The following DNAI3 variants were observed in gnomAD, a reference collection of about 807,000 sequenced individuals.
DNAI3 encodes WD repeat domain 63.
In DNAI3, 83 loss-of-function variants were observed where a neutral mutation model predicts 115.5. That is an observed-to-expected ratio of 0.72 (90% CI 0.60 to 0.86). The LOEUF (loss-of-function observed/expected upper bound fraction) is 0.86, where lower values mean the gene tolerates loss of function less well. Among genes scored for constraint, DNAI3 ranks in the 40% least tolerant of loss-of-function variants. The probability of loss-of-function intolerance (pLI) is 0.00; values close to 1 mark genes in which losing one functional copy is unlikely to be tolerated. For missense variants in DNAI3, 1,004 were observed against 1,075.8 expected (o/e 0.93, Z 0.93); for synonymous variants, 320 against 347.0 (o/e 0.92, Z 0.86).
chr1:85,099,205 A>C (rs2100587231), intron 13 of DNAI3: 2 of 974,230 alleles, frequency 2.1e-6, no homozygotes, highest in East Asian at 1.1e-4. Flanking sequence ...GGGATCTATA[A>C]ATTTGGAAAC....
intron 17 of DNAI3, 123 bp from the exon 18 acceptor site, chr1:85,121,628 T>C: frequency 1.2e-6 from 1 of 846,674 alleles, no homozygotes; most frequent in South Asian, 1.7e-5. Flanking sequence ...ATCAAATTAC[T>C]TGATTAAATT....
intron 3 of DNAI3, among the ~76,000 whole-genome samples, chr1:85,079,260 TG>T (rs142418762): frequency 0.036 from 5,417 of 152,344 alleles, 362 homozygotes; most frequent in African/African-American, 0.12. Context: ...GTTAGTCTTT[TG>T]AGGGAGATAA....
At chr1:85,131,597 G>A (rs909381425) in intron 22 of DNAI3, among the ~76,000 whole-genome samples, 19 of 152,274 alleles carry the variant, frequency 1.2e-4, no homozygotes, top group African/African-American at 4.3e-4. Flanking sequence ...GTGACAAAGT[G>A]TAAAAGAATG....
intron 1 of DNAI3, among the ~76,000 whole-genome samples, chr1:85,069,017 A>C (rs553879848): frequency 1.3e-5 from 2 of 152,352 alleles, no homozygotes; most frequent in South Asian, 4.1e-4. Context: ...TCCACACCAC[A>C]GTGCATAGCA....
chr1:85,130,889 CCT>C (rs1176502599), intron 22 of DNAI3, among the ~76,000 whole-genome samples: 4 of 152,158 alleles, frequency 2.6e-5, no homozygotes, highest in African/African-American at 4.8e-5. Context: ...TCAGCTTCTC[CCT>C]GTTTGATACG....
chr1:85,080,907 G>C (rs572289028), intron 3 of DNAI3, among the ~76,000 whole-genome samples: 1 of 152,188 alleles, frequency 6.6e-6, no homozygotes, highest in African/African-American at 2.4e-5. Flanking sequence ...TAAAATACTT[G>C]TGACATAATG....
chr1:85,081,549 C>T (rs1338101339), intron 4 of DNAI3, 134 bp downstream of exon 4: 2 of 658,138 alleles, frequency 3.0e-6, no homozygotes, highest in African/African-American at 3.8e-5. Context: ...CCCACCCCTC[C>T]TTGGGAATCC....
At chr1:85,110,828 A>G (rs1439612605) in intron 16 of DNAI3, among the ~76,000 whole-genome samples, 3 of 152,212 alleles carry the variant, frequency 2.0e-5, no homozygotes, top group African/African-American at 7.2e-5. Context: ...ATCAAGAAAC[A>G]AATTACCATT....
At chr1:85,098,244 A>T (rs58659750) in intron 12 of DNAI3, among the ~76,000 whole-genome samples, 1 of 152,186 alleles carries the variant, frequency 6.6e-6, no homozygotes, top group Non-Finnish European at 1.5e-5. Flanking sequence ...GCAGCCTTCT[A>T]TAGGCACAAA....
chr1:85,088,716 A>T (rs1341723967), intron 7 of DNAI3, among the ~76,000 whole-genome samples: 2 of 152,228 alleles, frequency 1.3e-5, no homozygotes, highest in African/African-American at 4.8e-5. Context: ...GCATAATTTA[A>T]ACTTGAAGCA....
At chr1:85,124,430 CATTT>C (rs141412863) in intron 19 of DNAI3, among the ~76,000 whole-genome samples, 179 bp downstream of exon 19, 6,680 of 152,222 alleles carry the variant, frequency 0.044, 332 homozygotes, top group East Asian at 0.2. Flanking sequence ...AAAACACATT[CATTT>C]GTTTTTCCTT....
chr1:85,087,920 C>CAT (rs1261814568), intron 7 of DNAI3, among the ~76,000 whole-genome samples: 3 of 151,610 alleles, frequency 2.0e-5, no homozygotes, highest in Middle Eastern at 3.2e-3. Flanking sequence ...AAAGTCAGGG[C>CAT]ATATATATAT....
At chr1:85,073,800 T>C (rs1250397721) in intron 3 of DNAI3, among the ~76,000 whole-genome samples, 2 of 152,162 alleles carry the variant, frequency 1.3e-5, no homozygotes, top group Non-Finnish European at 2.9e-5. Context: ...GGCTACTGTG[T>C]AGCAAATTGC....
chr1:85,098,225 T>G (rs1200975502), intron 12 of DNAI3, among the ~76,000 whole-genome samples: 1 of 152,190 alleles, frequency 6.6e-6, no homozygotes, highest in Non-Finnish European at 1.5e-5. Context: ...TACCAAAGAA[T>G]GGTGAGATGC....
At chr1:85,095,535 G>T (rs187146390) in intron 10 of DNAI3, among the ~76,000 whole-genome samples, 1 of 151,984 alleles carries the variant, frequency 6.6e-6, no homozygotes, top group Admixed American at 6.5e-5. Context: ...GGAGTGCCTG[G>T]CTCAGTATTC....
chr1:85,108,177 G>C lies in DNAI3; in HGVS notation c.1698G>C (p.Lys566Asn), dbSNP rs763904035. 1.9e-6 allele frequency: 3 copies of C among 1,585,422 alleles called. No individual in the cohort carries two copies. The highest frequency in any genetic ancestry group is 1.7e-4 in the Middle Eastern group (1 of 5,888). Reference protein sequence around the residue: ...HLDLSWKPLTKVRLSKGETSL... With the variant: ...HLDLSWKPLTNVRLSKGETSL... ...ATCTCTCCTGGAAACCTCTCACTAA[G>C]GTAAGTAATGTGGGGTTTTTAGTCC... Residue 566 changes from lysine to asparagine, a missense_variant and splice_region_variant, in exon 15 of 23, where the codon AAG (lysine) becomes AAC (asparagine). Coordinates refer to ENST00000294664, the MANE Select transcript of DNAI3 (RefSeq NM_145172.5).
chr1:85,072,972 A>AAAAAAG (rs1553165209), intron 2 of DNAI3, 82 bp from the exon 3 acceptor site: 6 of 506,672 alleles, frequency 1.2e-5, no homozygotes, highest in Non-Finnish European at 1.5e-5. Flanking sequence ...AAAAAAAAAA[A>AAAAAAG]AAGAAGAAAT....
At chr1:85,082,256 T>C in intron 4 of DNAI3, 44 bp from the exon 5 acceptor site, 2 of 1,450,272 alleles carry the variant, frequency 1.4e-6, no homozygotes, top group Non-Finnish European at 1.9e-6. Context: ...ATAAACTGAA[T>C]GACCATTGAA....
In DNAI3 at chr1:85,133,035, C is replaced by T; in HGVS notation, c.*37C>T. The T allele has an allele frequency of 6.3e-7, 1 of 1,583,456 alleles. No homozygotes were observed. Among genetic ancestry groups the T allele is most frequent in the Non-Finnish European group, 8.5e-7 (1 of 1,170,152 alleles). Reference sequence around the variant, plus strand: ...GAAGGGGTGTTTTGGGGACTTCTTCCCTCTATTTATTTTTATGTCAGGTGA... The same window carrying T: ...GAAGGGGTGTTTTGGGGACTTCTTCTCTCTATTTATTTTTATGTCAGGTGA... On this transcript the variant is annotated 3_prime_UTR_variant, in exon 23 of 23. Coordinates refer to ENST00000294664, the MANE Select transcript of DNAI3 (RefSeq NM_145172.5).
Sources: gnomAD v4.1 joint callset for allele counts (sites outside exome capture counted in the v4.1 genomes callset) on GRCh38, gnomAD v4.1.1 for gene constraint, MANE v1.5 for transcripts, NCBI Gene and HGNC (gene_info 2026-07-23, HGNC 2026-07-21) for gene names.